Variants in C1QTNF3 observed in about 807,000 individuals in gnomAD.
The protein encoded by C1QTNF3 is C1q and TNF related 3.
In C1QTNF3, 26 loss-of-function variants were observed where a neutral mutation model predicts 32.6. That is an observed-to-expected ratio of 0.80 (90% CI 0.58 to 1.11). C1QTNF3 has a LOEUF of 1.11. Among genes scored for constraint, C1QTNF3 ranks in the 50% least tolerant of loss-of-function variants. The pLI is 0.00. For missense variants in C1QTNF3, 362 were observed against 398.2 expected (o/e 0.91, Z 0.77); for synonymous variants, 155 against 146.0 (o/e 1.06, Z -0.44).
the C1QTNF3 span, among the ~76,000 whole-genome samples, chr5:34,056,420 ATGTGTGTGTGTG>A: frequency 0.3 from 11,420 of 37,548 alleles, 2,006 homozygotes; most frequent in South Asian, 0.4. Flanking sequence ...ATGTATATGT[ATGTGTGTGTGTG>A]TGTGTGTGTG....
chr5:34,178,425 C>T, the C1QTNF3 span, among the ~76,000 whole-genome samples: 1 of 152,170 alleles, frequency 6.6e-6, no homozygotes, highest in Non-Finnish European at 1.5e-5. Context: ...CAGAACAGTG[C>T]AGTCCACTGT....
At chr5:34,241,850 C>G in the C1QTNF3 span, among the ~76,000 whole-genome samples, 1 of 151,132 alleles carries the variant, frequency 6.6e-6, no homozygotes, top group African/African-American at 2.4e-5. Context: ...TATAGTAACT[C>G]CACTGCATTC....
the C1QTNF3 span, among the ~76,000 whole-genome samples, chr5:34,241,096 A>C: frequency 2.5e-4 from 38 of 152,214 alleles, no homozygotes; most frequent in Middle Eastern, 6.8e-3. Flanking sequence ...CAAAACAAAA[A>C]AAAAACCCTC....
At chr5:34,136,051 C>T in the C1QTNF3 span, among the ~76,000 whole-genome samples, 5 of 152,126 alleles carry the variant, frequency 3.3e-5, no homozygotes, top group East Asian at 9.7e-4. Context: ...AAAACCTAGG[C>T]AATACCATTC....
the C1QTNF3 span, among the ~76,000 whole-genome samples, chr5:34,073,661 T>C: frequency 2.6e-5 from 4 of 152,214 alleles, no homozygotes; most frequent in South Asian, 2.1e-4. Flanking sequence ...AATTGCAGCC[T>C]GATTAACTAA....
the C1QTNF3 span, among the ~76,000 whole-genome samples, chr5:34,224,031 T>G: frequency 6.6e-6 from 1 of 152,100 alleles, no homozygotes; most frequent in Non-Finnish European, 1.5e-5. Flanking sequence ...AGCAAAATCA[T>G]GAGTGAACTC....
chr5:34,191,692 G>C, the C1QTNF3 span: 792 of 707,550 alleles, frequency 1.1e-3, no homozygotes, highest in Non-Finnish European at 1.0e-3. Flanking sequence ...ACCCACTATG[G>C]ATGCACAGCA....
At chr5:34,144,523 G>T in the C1QTNF3 span, among the ~76,000 whole-genome samples, 1 of 151,894 alleles carries the variant, frequency 6.6e-6, no homozygotes, top group Non-Finnish European at 1.5e-5. Context: ...TTAACCACAT[G>T]GTCAGTCATA....
At chr5:34,212,195 A>G in the C1QTNF3 span, among the ~76,000 whole-genome samples, 2 of 151,424 alleles carry the variant, frequency 1.3e-5, no homozygotes, top group South Asian at 2.1e-4. Context: ...AAAACTGGCT[A>G]GTCATATGGA....
chr5:34,052,341 T>C, the C1QTNF3 span, among the ~76,000 whole-genome samples: 1 of 152,224 alleles, frequency 6.6e-6, no homozygotes, highest in African/African-American at 2.4e-5. Context: ...TATTTATCTA[T>C]TGTATTCATT....
At chr5:34,087,398 G>A in the C1QTNF3 span, among the ~76,000 whole-genome samples, 1 of 152,012 alleles carries the variant, frequency 6.6e-6, no homozygotes, top group Non-Finnish European at 1.5e-5. Flanking sequence ...AGCTAAAGAG[G>A]AGCCGAATAT....
In C1QTNF3 at chr5:34,018,512, C is replaced by G. The variant is rs537797776; in HGVS notation, c.*2071G>C. Among the ~76,000 whole-genome samples the G allele has an allele frequency of 5.3e-5, 8 of 152,256 alleles. No individual in the cohort carries two copies. In the South Asian group the frequency reaches 8.3e-4, roughly 16 times the overall value. Reference sequence around the variant, plus strand: ...GAAGGTAAGAATTGTACTTTAAATGCCATAGGAGTGCCTGGAATAGCACAG... The same window carrying G: ...GAAGGTAAGAATTGTACTTTAAATGGCATAGGAGTGCCTGGAATAGCACAG... On this transcript the variant is annotated 3_prime_UTR_variant, in exon 6 of 6. Coordinates refer to ENST00000382065, the MANE Select transcript of C1QTNF3 (RefSeq NM_181435.6).
the C1QTNF3 span, among the ~76,000 whole-genome samples, chr5:34,051,251 T>C: frequency 1.3e-5 from 2 of 152,202 alleles, no homozygotes; most frequent in African/African-American, 2.4e-5. Flanking sequence ...AATTACCTAA[T>C]TGCCCAGTCT....
chr5:34,185,178 C>T, the C1QTNF3 span, among the ~76,000 whole-genome samples: 1 of 152,426 alleles, frequency 6.6e-6, no homozygotes, highest in Non-Finnish European at 1.5e-5. Flanking sequence ...GAAACCCCGT[C>T]TCTACTAAAA....
At chr5:34,113,418 T>C in the C1QTNF3 span, among the ~76,000 whole-genome samples, 2 of 151,472 alleles carry the variant, frequency 1.3e-5, no homozygotes, top group African/African-American at 4.8e-5. Flanking sequence ...CACTCCTTTC[T>C]GTACATGAAG....
the C1QTNF3 span, among the ~76,000 whole-genome samples, chr5:34,141,123 T>C: frequency 1.3e-5 from 2 of 151,694 alleles, no homozygotes; most frequent in Admixed American, 6.6e-5. Context: ...GTTGACTCCT[T>C]CTTCTTTTTT....
chr5:34,085,086 G>A, the C1QTNF3 span, among the ~76,000 whole-genome samples: 1 of 144,734 alleles, frequency 6.9e-6, no homozygotes, highest in Non-Finnish European at 1.5e-5. Context: ...CGCCTCCCGG[G>A]TTCACGCCAT....
At chr5:34,032,534 C>T (rs1488275291) in intron 3 of C1QTNF3, among the ~76,000 whole-genome samples, 3 of 152,188 alleles carry the variant, frequency 2.0e-5, no homozygotes, top group African/African-American at 7.2e-5. Flanking sequence ...TGGCTCAAGC[C>T]TGTAATCCCA....
the C1QTNF3 span, among the ~76,000 whole-genome samples, chr5:34,213,520 C>T: frequency 6.6e-6 from 1 of 151,058 alleles, no homozygotes; most frequent in Non-Finnish European, 1.5e-5. Flanking sequence ...TTAATCATCG[C>T]AACTTACACA....
Sources: allele counts gnomAD v4.1 joint callset (sites outside exome capture counted in the v4.1 genomes callset), GRCh38; gene constraint gnomAD v4.1.1; transcripts MANE v1.5; gene names NCBI Gene and HGNC (gene_info 2026-07-23, HGNC 2026-07-21).